CREB3L3: variants seen among roughly 807,000 people sequenced by gnomAD.
CREB3L3 encodes cyclic AMP-responsive element-binding protein 3-like protein 3.
Under a neutral mutation model 44.6 loss-of-function variants are expected in CREB3L3, and 40 were observed. That is an observed-to-expected ratio of 0.90 (90% CI 0.70 to 1.17). CREB3L3 has a LOEUF of 1.17. Among genes scored for constraint, CREB3L3 ranks in the 50% most tolerant of loss-of-function variants. The pLI is 0.00. For synonymous variants in CREB3L3, 273 were observed against 256.3 expected, an observed-to-expected ratio of 1.06 and a Z score of -0.62; for missense variants, 578 against 595.8, an observed-to-expected ratio of 0.97 and a Z score of 0.31.
At chr19:4,165,232 A>G (rs1034198661) in intron 5 of CREB3L3, among the ~76,000 whole-genome samples, 4 of 150,650 alleles carry the variant, frequency 2.7e-5, no homozygotes. Context: ...CAGTGGTGCC[A>G]TCATAGCTCA....
At position 4,157,042 on chromosome 19, in the gene CREB3L3, G is replaced by C; in HGVS notation, c.204G>C (p.Leu68=). The C allele has an allele frequency of 1.2e-6, 2 of 1,613,948 alleles. No homozygotes were observed. The highest frequency in any genetic ancestry group is 1.7e-6 in the Non-Finnish European group (2 of 1,179,992). The change falls in exon 3 of 10, where the codon CTG becomes CTC. Residue 68 remains leucine, a synonymous_variant. Transcript: ENST00000078445. ...PDSDDFLSSI[L]GSGDSLPSSP... is the part of the protein sequence containing the mutation. ...CTGACGACTTCCTCAGCTCCATCCTGGGCTCTGGAGACTCACTGCCCAGCT... is the reference window on the plus strand; with the variant it reads ...CTGACGACTTCCTCAGCTCCATCCTCGGCTCTGGAGACTCACTGCCCAGCT...
chr19:4,171,046 C>A lies in CREB3L3; in HGVS notation c.891-45C>A. The stretch of plus-strand genomic sequence containing the variant: ...CCCCGGAAATGGACGAGAAGCAGAA[C>A]CGAGGCCCTTTAGGGCTCAGCGGAG... On this transcript the variant is annotated intron_variant, in intron 7 of 9. Coordinates refer to ENST00000078445, the MANE Select transcript of CREB3L3 (RefSeq NM_032607.3). The surrounding 1 kb of genome is among the most constrained non-coding windows in gnomAD (Gnocchi z 4.9). The A allele has an allele frequency of 1.3e-6, 2 of 1,495,012 alleles. No individual in the cohort carries two copies. The highest frequency in any genetic ancestry group is 1.9e-6 in the Non-Finnish European group (2 of 1,071,586). 92.6% of individuals were successfully genotyped at this position (1,495,012 alleles called of 1,614,324 possible).
At chr19:4,154,416 G>A (rs116134390) in intron 1 of CREB3L3, among the ~76,000 whole-genome samples, 1,941 of 151,534 alleles carry the variant, frequency 0.013, 35 homozygotes, top group African/African-American at 0.044. Flanking sequence ...GTGACCCAGG[G>A]TGGAGTGCAG....
chr19:4,171,144 G>A lies in CREB3L3; in HGVS notation c.944G>A (p.Ser315Asn), dbSNP rs779463019. The A allele has an allele frequency of 1.2e-6, 2 of 1,614,144 alleles. No individual in the cohort carries two copies. The highest frequency in any genetic ancestry group is 2.2e-5 in the South Asian group (2 of 91,080). ...KLQAIVVQST[S>N]KSAQTGTCVA... is the part of the protein sequence containing the mutation. ...CAGGCCATTGTGGTGCAGTCCACCA[G>A]CAAGTCAGCCCAGACAGGCACCTGT... The change falls in exon 8 of 10, where the codon AGC becomes AAC. Residue 315 changes from serine (S) to asparagine (N), a missense_variant. By Grantham distance (46) the Ser-to-Asn change is conservative. Transcript: ENST00000078445. The surrounding 1 kb of genome is among the most constrained non-coding windows in gnomAD (Gnocchi z 4.9).
At chr19:4,163,494 C>T (rs1394125146) in intron 4 of CREB3L3, among the ~76,000 whole-genome samples, 1 of 152,116 alleles carries the variant, frequency 6.6e-6, no homozygotes, top group Non-Finnish European at 1.5e-5. Context: ...TCGAGCCCTG[C>T]TGCCAAGGGA....
At chr19:4,158,017 C>G (rs1031397978) in intron 3 of CREB3L3, among the ~76,000 whole-genome samples, 1 of 152,080 alleles carries the variant, frequency 6.6e-6, no homozygotes, top group African/African-American at 2.4e-5. Context: ...ATGAGGTTAC[C>G]AGGTCCTAGG....
Position 4,164,516 on chromosome 19 carries a change from T to C in CREB3L3, c.590T>C (p.Leu197Pro). ...TTTTTTCCGTAGCAACAGCATCACC[T>C]GGGGGCCTCCTACCTCCTGCGACCT... is the stretch of plus-strand genomic sequence containing the variant. ...GSSGDLQQHHLGASYLLRPGA... is the reference protein window; with the variant it reads ...GSSGDLQQHHPGASYLLRPGA... The change falls in exon 5 of 10, where the codon CTG becomes CCG. Residue 197 changes from leucine to proline, a missense_variant. By Grantham distance (98) the Leu-to-Pro change is moderately conservative. Coordinates refer to ENST00000078445, the MANE Select transcript of CREB3L3 (RefSeq NM_032607.3). 1 of 1,614,036 alleles carries C rather than the reference T, an allele frequency of 6.2e-7. No homozygotes were observed. Among genetic ancestry groups the C allele is most frequent in the Non-Finnish European group, 8.5e-7 (1 of 1,180,022 alleles).
chr19:4,160,965 G>A (rs1371379063), intron 4 of CREB3L3, among the ~76,000 whole-genome samples: 1 of 145,174 alleles, frequency 6.9e-6, no homozygotes, highest in Admixed American at 7.0e-5. Flanking sequence ...AGGCTGGAGT[G>A]CAGTGGCGTG....
chr19:4,156,629 G>A (rs2041582560), intron 2 of CREB3L3, among the ~76,000 whole-genome samples: 1 of 151,208 alleles, frequency 6.6e-6, no homozygotes, highest in African/African-American at 2.4e-5. Context: ...AGACTCCCGA[G>A]TAGCTGGGAC....
rs753206266 is a variant in CREB3L3, at chr19:4,171,986, G to A, written c.*17G>A. ...GAGCTGTGAGCCCCGCCAGGACTAT[G>A]CTCCCAGGCCCCTCTGCCCAGGGGT... is the stretch of plus-strand genomic sequence containing the variant. On this transcript the variant is annotated 3_prime_UTR_variant, in exon 10 of 10. Transcript: ENST00000078445. This position sits in a 1 kb window ranked among gnomAD's most constrained non-coding sequence, Gnocchi z 4.9. 9.6e-6 allele frequency: 15 copies of A among 1,570,120 alleles called. No individual in the cohort carries two copies. Among genetic ancestry groups the A allele is most frequent in the Non-Finnish European group, 1.3e-5 (15 of 1,161,564 alleles).
intron 3 of CREB3L3, 55 bp downstream of exon 3, chr19:4,157,350 TGTAA>T (rs1231418389): frequency 1.4e-5 from 22 of 1,589,468 alleles, no homozygotes; most frequent in South Asian, 2.2e-5. Context: ...GGGCCCTTCC[TGTAA>T]GTGAGGAAAT....
At chr19:4,163,776 G>A (rs1599338683) in intron 4 of CREB3L3, among the ~76,000 whole-genome samples, 1 of 151,158 alleles carries the variant, frequency 6.6e-6, no homozygotes, top group Non-Finnish European at 1.5e-5. Context: ...GCCTCCCAAA[G>A]TGCTGGGACT....
intron 2 of CREB3L3, among the ~76,000 whole-genome samples, chr19:4,156,123 CCCT>C (rs2041571632): frequency 3.2e-5 from 4 of 124,228 alleles, no homozygotes; most frequent in Admixed American, 8.9e-5. Context: ...CTCTCTCCCC[CCCT>C]CTCTCTCTGT....
At chr19:4,160,648 C>T (rs1033656310) in intron 4 of CREB3L3, among the ~76,000 whole-genome samples, 3 of 151,754 alleles carry the variant, frequency 2.0e-5, no homozygotes, top group Non-Finnish European at 4.4e-5. Flanking sequence ...CTCTGCCTCC[C>T]GGGTTCAAGT....
chr19:4,153,919 CTG>C, intron 1 of CREB3L3, 145 bp downstream of exon 1: 1 of 1,000,094 alleles, frequency 1.0e-6, no homozygotes, highest in Non-Finnish European at 1.5e-6. Flanking sequence ...ATGAGCAAAA[CTG>C]TGTGCCTTTG....
Position 4,171,429 on chromosome 19 carries a change from C to A in CREB3L3, c.1022C>A (p.Pro341His), listed in dbSNP as rs1599347817. The A allele has an allele frequency of 1.9e-6, 3 of 1,614,004 alleles. No individual in the cohort carries two copies. The highest frequency in any genetic ancestry group is 1.3e-5 in the African/African-American group (1 of 74,912). Reference sequence around the variant, plus strand: ...CTCATCATCCTCCCCTCCATCAGCCCTTTTGGCCCCAACAAAACCGAGAGC... The same window carrying A: ...CTCATCATCCTCCCCTCCATCAGCCATTTTGGCCCCAACAAAACCGAGAGC... ...FALIILPSIS[P>H]FGPNKTESPG... Residue 341 changes from proline (P) to histidine (H), a missense_variant, in exon 9 of 10, where the codon CCT becomes CAT. Transcript: ENST00000078445. This position sits in a 1 kb window ranked among gnomAD's most constrained non-coding sequence, Gnocchi z 4.9.
chr19:4,165,875 C>A (rs1966894702), intron 5 of CREB3L3, among the ~76,000 whole-genome samples: 1 of 151,704 alleles, frequency 6.6e-6, no homozygotes, highest in Non-Finnish European at 1.5e-5. Context: ...GAAACTCTGT[C>A]AAAACAAAAA....
chr19:4,156,093 CTCTCTCTCTCT>C (rs2041569908), intron 2 of CREB3L3, among the ~76,000 whole-genome samples: 2 of 7,498 alleles, frequency 2.7e-4, no homozygotes, highest in Non-Finnish European at 3.9e-4. Flanking sequence ...CTCTCTCTCT[CTCTCTCTCTCT>C]CTCTCTCTCT....
chr19:4,159,117 C>T (rs1030393241), intron 3 of CREB3L3, among the ~76,000 whole-genome samples: 26 of 151,632 alleles, frequency 1.7e-4, no homozygotes, highest in Non-Finnish European at 2.5e-4. Context: ...CCTTGTGGGA[C>T]GGACAGAACC....
Sources: allele counts gnomAD v4.1 joint callset (sites outside exome capture counted in the v4.1 genomes callset), GRCh38; gene constraint gnomAD v4.1.1; non-coding constraint Gnocchi (gnomAD v3.1); transcripts MANE v1.5; gene names NCBI Gene and HGNC (gene_info 2026-07-23, HGNC 2026-07-21).